ANK3: variants seen among roughly 807,000 people sequenced by gnomAD.
ANK3 encodes ankyrin 3.
In ANK3, 57 loss-of-function variants were observed where a neutral mutation model predicts 370.9. That is an observed-to-expected ratio of 0.15 (90% CI 0.12 to 0.19). The LOEUF (loss-of-function observed/expected upper bound fraction) is 0.19, where lower values mean the gene tolerates loss of function less well. Ranked by LOEUF, ANK3 falls within the 10% of genes least tolerant of loss-of-function variation. The probability of loss-of-function intolerance (pLI) is 1.00; values close to 1 mark genes in which losing one functional copy is unlikely to be tolerated. For missense variants in ANK3, 4,439 were observed against 5,302.1 expected (o/e 0.84, Z 5.06); for synonymous variants, 1,929 against 1,946.3 (o/e 0.99, Z 0.23).
intron 1 of ANK3, among the ~76,000 whole-genome samples, chr10:60,627,112 A>G (rs1457619476): frequency 6.6e-6 from 1 of 152,166 alleles, no homozygotes; most frequent in Non-Finnish European, 1.5e-5. Flanking sequence ...AGGTTCATTC[A>G]ATCCAGGGTC....
In ANK3 at chr10:60,267,582, G is replaced by A. The variant is rs560867592; in HGVS notation, c.513+2549C>T. ...TGAAGTAGTGATTTGAAGATCTCAC[G>A]TACTATTTTTCTTTAAGTTAGCTGT... On this transcript the variant is annotated intron_variant, in intron 5 of 43. Transcript: ENST00000280772. Among the ~76,000 whole-genome samples, 11 of 152,192 alleles carry A rather than the reference G, an allele frequency of 7.2e-5. No individual in the cohort carries two copies. The South Asian group carries it at 1.5e-3, about 20-fold the overall frequency.
At chr10:60,044,076 CA>C (rs2076556382) in intron 42 of ANK3, 1 of 985,616 alleles carries the variant, frequency 1.0e-6, no homozygotes, top group Admixed American at 6.2e-5. Context: ...TCCATTACCA[CA>C]TCATCACGTT....
chr10:60,287,492 A>T (rs2040284602), intron 1 of ANK3, among the ~76,000 whole-genome samples: 1 of 152,206 alleles, frequency 6.6e-6, no homozygotes, highest in Non-Finnish European at 1.5e-5. Context: ...AAGTCAAGAT[A>T]AGGAAAATAG....
chr10:60,293,232 G>GGCAT (rs1267223899), intron 1 of ANK3, among the ~76,000 whole-genome samples: 1 of 152,114 alleles, frequency 6.6e-6, no homozygotes, highest in Non-Finnish European at 1.5e-5. Context: ...GGGATCCGCT[G>GGCAT]GCATTCATCT....
At chr10:60,564,893 C>G (rs1473251399) in intron 2 of ANK3, among the ~76,000 whole-genome samples, 1 of 152,094 alleles carries the variant, frequency 6.6e-6, no homozygotes, top group Non-Finnish European at 1.5e-5. Flanking sequence ...TTCTGACATT[C>G]TCTAAAAAAT....
At chr10:60,048,103 A>G (rs982154606) in intron 42 of ANK3, among the ~76,000 whole-genome samples, 40 of 152,230 alleles carry the variant, frequency 2.6e-4, no homozygotes, top group African/African-American at 9.6e-4. Flanking sequence ...AGATTTGCCC[A>G]GACTTTTGGC....
intron 1 of ANK3, among the ~76,000 whole-genome samples, chr10:60,686,462 A>G (rs535811925): frequency 2.7e-4 from 41 of 152,302 alleles, no homozygotes; most frequent in Middle Eastern, 3.4e-3. Context: ...ATGAAGCTAT[A>G]AAATTCATTA....
chr10:60,533,199 C>T (rs750065222), intron 2 of ANK3, among the ~76,000 whole-genome samples: 3 of 152,086 alleles, frequency 2.0e-5, no homozygotes, highest in Non-Finnish European at 4.4e-5. Context: ...GAAGGCACAG[C>T]GGCTCCCTGG....
At chr10:60,410,982 C>T (rs1298296460) in intron 2 of ANK3, among the ~76,000 whole-genome samples, 1 of 152,104 alleles carries the variant, frequency 6.6e-6, no homozygotes, top group Non-Finnish European at 1.5e-5. Context: ...CCTCTCCCAT[C>T]CAATCTTTAT....
In ANK3 at chr10:60,074,284, A is replaced by T; in HGVS notation, c.6597T>A (p.Thr2199=). Residue 2199 remains threonine (T), a synonymous_variant, in exon 37 of 44, where the codon ACT becomes ACA. Coordinates refer to ENST00000280772, the MANE Select transcript of ANK3 (RefSeq NM_020987.5). ...EEPVSPKPSP[T]FMELEPKPTT... ...TGGGCTTTGGTTCCAATTCCATAAAAGTAGGTGAAGGTTTAGGTGACACAG... is the reference window on the plus strand; with the variant it reads ...TGGGCTTTGGTTCCAATTCCATAAATGTAGGTGAAGGTTTAGGTGACACAG... 1 of 1,614,076 alleles carries T rather than the reference A, an allele frequency of 6.2e-7. No individual in the cohort carries two copies. Among genetic ancestry groups the T allele is most frequent in the Non-Finnish European group, 8.5e-7 (1 of 1,179,998 alleles).
At chr10:60,613,250 T>C (rs1413565955) in intron 2 of ANK3, among the ~76,000 whole-genome samples, 1 of 152,140 alleles carries the variant, frequency 6.6e-6, no homozygotes, top group Non-Finnish European at 1.5e-5. Context: ...GGAAATATAG[T>C]AGGAATGGGA....
chr10:60,266,661 T>C (rs2097884602), intron 5 of ANK3, among the ~76,000 whole-genome samples: 1 of 152,190 alleles, frequency 6.6e-6, no homozygotes, highest in African/African-American at 2.4e-5. Flanking sequence ...GACAAGAATA[T>C]GTTTCCTGCA....
At chr10:60,418,499 G>A (rs10821760) in intron 2 of ANK3, among the ~76,000 whole-genome samples, 1 of 151,774 alleles carries the variant, frequency 6.6e-6, no homozygotes, top group Non-Finnish European at 1.5e-5. Context: ...GGAAAAGTGG[G>A]TTTTATTCAT....
At chr10:60,340,448 T>C (rs1281633389) in intron 1 of ANK3, among the ~76,000 whole-genome samples, 15 of 152,168 alleles carry the variant, frequency 9.9e-5, no homozygotes, top group Admixed American at 9.8e-4. Context: ...TCTCACTCTG[T>C]TGCCCAGGCT....
intron 16 of ANK3, among the ~76,000 whole-genome samples, chr10:60,189,240 C>A (rs2096418537): frequency 6.6e-6 from 1 of 152,178 alleles, no homozygotes. Flanking sequence ...TGCCTGTAGT[C>A]TCAGCTACTT....
rs1473392378 is a variant in ANK3, at chr10:60,083,615, A to C, written c.4077T>G (p.Val1359=). The C allele has an allele frequency of 1.3e-6, 2 of 1,593,744 alleles. No individual in the cohort carries two copies. The highest frequency in any genetic ancestry group is 2.3e-5 in the South Asian group (2 of 86,446). Residue 1359 remains valine (V), a splice_region_variant and synonymous_variant, in exon 33 of 44, where the codon GTT becomes GTG. Transcript: ENST00000280772. ...EEVARSKDIE[V]LEGKPIYVDC... ...CAACATAAATAGGTTTTCCTTCCAGAACCTTTTAGAGTAAAAGAAATAAAC... is the reference window on the plus strand; with the variant it reads ...CAACATAAATAGGTTTTCCTTCCAGCACCTTTTAGAGTAAAAGAAATAAAC...
intron 2 of ANK3, among the ~76,000 whole-genome samples, chr10:60,532,348 C>T (rs980157485): frequency 6.6e-6 from 1 of 152,084 alleles, no homozygotes; most frequent in Non-Finnish European, 1.5e-5. Context: ...TGCTGCTGTA[C>T]CTCCCAGGAC....
chr10:60,398,709 A>AT (rs2132896186), intron 2 of ANK3, among the ~76,000 whole-genome samples: 1 of 152,316 alleles, frequency 6.6e-6, no homozygotes, highest in Non-Finnish European at 1.5e-5. Context: ...TCCAAACATT[A>AT]TTTAAGACAC....
chr10:60,638,688 A>G (rs1052468323), intron 1 of ANK3, among the ~76,000 whole-genome samples: 1 of 152,114 alleles, frequency 6.6e-6, no homozygotes, highest in Non-Finnish European at 1.5e-5. Flanking sequence ...TAAAAAAAAT[A>G]TAAACACCCA....
Sources: allele counts gnomAD v4.1 joint callset (sites outside exome capture counted in the v4.1 genomes callset), GRCh38; gene constraint gnomAD v4.1.1; transcripts MANE v1.5; gene names NCBI Gene and HGNC (gene_info 2026-07-23, HGNC 2026-07-21).